ARIH1: variants seen among roughly 807,000 people sequenced by gnomAD.
The protein encoded by ARIH1 is E3 ubiquitin-protein ligase ARIH1.
Under a neutral mutation model 85.0 loss-of-function variants are expected in ARIH1, and 8 were observed. That is an observed-to-expected ratio of 0.09 (90% confidence interval 0.06 to 0.17). The LOEUF is 0.17. ARIH1 is among the 10% of genes least tolerant of loss of function. The pLI is 1.00. For synonymous variants in ARIH1, 238 were observed against 253.6 expected, an observed-to-expected ratio of 0.94 and a Z score of 0.59; for missense variants, 311 against 718.1, an observed-to-expected ratio of 0.43 and a Z score of 6.48.
chr15:72,500,883 A>G (rs1038838228), intron 1 of ARIH1, among the ~76,000 whole-genome samples: 4 of 152,234 alleles, frequency 2.6e-5, no homozygotes, highest in African/African-American at 7.2e-5. Flanking sequence ...TAACTTCTAA[A>G]ACTATGTATG....
rs190746146 is a variant in ARIH1 at position 72,589,457 on chromosome 15, G to A, written c.*6165G>A. ...GATTGGGAACTAGAAAACCATTTTG[G>A]ACCCCTAAAGTGGTATTGTCTACTA... On this transcript the variant is annotated 3_prime_UTR_variant, in exon 14 of 14. Transcript: ENST00000379887. 4 of 152,294 alleles carry A rather than the reference G, an allele frequency of 2.6e-5. No individual in the cohort carries two copies. Among genetic ancestry groups the A allele is most frequent in the Admixed American group, 2.6e-4 (4 of 15,288 alleles). 9.4% of individuals were successfully genotyped at this position (152,294 alleles called of 1,614,324 possible). A position where few individuals can be genotyped will look rare whatever the true frequency, so the allele number is the denominator to read the frequency against.
chr15:72,574,186 G>A (rs75904136), intron 11 of ARIH1, among the ~76,000 whole-genome samples: 328 of 152,264 alleles, frequency 2.2e-3, no homozygotes, highest in African/African-American at 7.8e-3. Context: ...GGTGGGTTAT[G>A]TGCATAGCTT....
At chr15:72,555,048 T>C (rs2064169127) in intron 3 of ARIH1, among the ~76,000 whole-genome samples, 1 of 152,240 alleles carries the variant, frequency 6.6e-6, no homozygotes, top group East Asian at 1.9e-4. Context: ...TTTTTATATT[T>C]AATACAAACA....
chr15:72,566,884 G>C (rs1595871859), intron 8 of ARIH1, among the ~76,000 whole-genome samples: 1 of 152,202 alleles, frequency 6.6e-6, no homozygotes, highest in African/African-American at 2.4e-5. Flanking sequence ...TCAAGCTCTA[G>C]GTTCCCCACT....
chr15:72,526,665 A>G (rs1045398157), intron 2 of ARIH1, among the ~76,000 whole-genome samples: 1 of 152,148 alleles, frequency 6.6e-6, no homozygotes, highest in African/African-American at 2.4e-5. Context: ...CAGAGACTGC[A>G]GTGAACCCTG....
At chr15:72,508,065 A>G (rs1413354654) in intron 1 of ARIH1, among the ~76,000 whole-genome samples, 6 of 152,206 alleles carry the variant, frequency 3.9e-5, no homozygotes, top group African/African-American at 1.4e-4. Context: ...TCTACCCTTG[A>G]CAGTTGAATC....
chr15:72,541,044 G>A (rs1256739740), intron 2 of ARIH1, among the ~76,000 whole-genome samples: 2 of 152,116 alleles, frequency 1.3e-5, no homozygotes, highest in Non-Finnish European at 2.9e-5. Flanking sequence ...GGGGGCCAAC[G>A]CTAGTATGGA....
In ARIH1 at chr15:72,597,202, T is replaced by G. The variant is rs966504363; in HGVS notation, c.*13910T>G. On this transcript the variant is annotated 3_prime_UTR_variant, in exon 14 of 14. Coordinates refer to ENST00000379887, the MANE Select transcript of ARIH1 (RefSeq NM_005744.5). Reference sequence around the variant, plus strand: ...TCAGGCCACTTGAATGGTGGCTCAATCTGATGTATATGAATTCTAGACTGG... The same window carrying G: ...TCAGGCCACTTGAATGGTGGCTCAAGCTGATGTATATGAATTCTAGACTGG... 1 of 150,448 alleles carries G rather than the reference T, an allele frequency of 6.6e-6. No individual in the cohort carries two copies. Among genetic ancestry groups the G allele is most frequent in the African/African-American group, 2.4e-5 (1 of 40,900 alleles). 9.3% of individuals were successfully genotyped at this position (150,448 alleles called of 1,614,324 possible). A position where few individuals can be genotyped will look rare whatever the true frequency, so the allele number is the denominator to read the frequency against.
chr15:72,526,223 C>G (rs1224180192), intron 2 of ARIH1, among the ~76,000 whole-genome samples: 2 of 152,084 alleles, frequency 1.3e-5, no homozygotes, highest in East Asian at 3.9e-4. Context: ...TTTGTCATTT[C>G]CATATACCAG....
intron 2 of ARIH1, among the ~76,000 whole-genome samples, chr15:72,532,193 G>T (rs1268976142): frequency 6.7e-6 from 1 of 149,064 alleles, no homozygotes; most frequent in East Asian, 1.9e-4. Flanking sequence ...GACTGATAAC[G>T]TTGACACTTT....
At position 72,474,359 on chromosome 15, in the gene ARIH1, C is replaced by G. The variant is rs770927229; in HGVS notation, c.-281C>G. The G allele has an allele frequency of 1.2e-5, 5 of 433,732 alleles. No homozygotes were observed. The highest frequency in any genetic ancestry group is 2.1e-5 in the Non-Finnish European group (5 of 243,840). 26.9% of individuals were successfully genotyped at this position (433,732 alleles called of 1,614,324 possible). On this transcript the variant is annotated 5_prime_UTR_variant, in exon 1 of 14. Coordinates refer to ENST00000379887, the MANE Select transcript of ARIH1 (RefSeq NM_005744.5). ...GCGATAGCAGCGGCCGTGGAGGTGG[C>G]GTTGGGGACTGTTTTCTCTCGGAGG...
rs1056614792 is a variant in ARIH1 at position 72,593,700 on chromosome 15, T to G, written c.*10408T>G. ...GTATCCTTACATCAGTACCACACTT[T>G]GGATTATTGAAACTTTCTAGTAAGT... is the stretch of plus-strand genomic sequence containing the variant. On this transcript the variant is annotated 3_prime_UTR_variant, in exon 14 of 14. Coordinates refer to ENST00000379887, the MANE Select transcript of ARIH1 (RefSeq NM_005744.5). 3.3e-5 allele frequency: 5 copies of G among 152,226 alleles called. No individual in the cohort carries two copies. The highest frequency in any genetic ancestry group is 1.2e-4 in the African/African-American group (5 of 41,462). The allele number at this position is 152,226 out of a possible 1,614,324, so 9.4% of individuals were successfully genotyped here. A position where few individuals can be genotyped will look rare whatever the true frequency, so the allele number is the denominator to read the frequency against.
chr15:72,565,400 T>C (rs946054964), intron 7 of ARIH1, among the ~76,000 whole-genome samples: 17 of 152,146 alleles, frequency 1.1e-4, no homozygotes, highest in Non-Finnish European at 2.4e-4. Context: ...CAGATTTTCT[T>C]TTTTGCTGCG....
chr15:72,594,811 C>CTTTTTTTTTTTTTTTTTTT lies in ARIH1; in HGVS notation c.*11528_*11546dup, dbSNP rs71137306. On this transcript the variant is annotated 3_prime_UTR_variant, in exon 14 of 14. Transcript: ENST00000379887. The stretch of plus-strand genomic sequence containing the variant: ...TTTTTCTGATTTTATGCCTTTTCTT[C>CTTTTTTTTTTTTTTTTTTT]TTTTTTTTTTTTTTTTTTTTTTTTT... The CTTTTTTTTTTTTTTTTTTT allele has an allele frequency of 5.1e-4, 41 of 79,624 alleles. 8 individuals are homozygous for CTTTTTTTTTTTTTTTTTTT. Among genetic ancestry groups the CTTTTTTTTTTTTTTTTTTT allele is most frequent in the African/African-American group, 2.1e-3 (35 of 16,424 alleles). 4.9% of individuals were successfully genotyped at this position (79,624 alleles called of 1,614,324 possible).
rs563122488 is a variant in ARIH1, at chr15:72,569,169, C to T, written c.1027-1008C>T. Among the ~76,000 whole-genome samples, 43 of 152,156 alleles carry T rather than the reference C, an allele frequency of 2.8e-4. No homozygotes were observed. The South Asian group carries it at 7.5e-3, about 26-fold the overall frequency. The stretch of plus-strand genomic sequence containing the variant: ...ACAAAAAATTCAAAAATTAGCCGAG[C>T]ATGGTGGCATGCACCTGTAGTCCCA... On this transcript the variant is annotated intron_variant, in intron 9 of 13. Coordinates refer to ENST00000379887, the MANE Select transcript of ARIH1 (RefSeq NM_005744.5).
In ARIH1 at chr15:72,496,983, G is replaced by A. The variant is rs77217086; in HGVS notation, c.376-21084G>A. ...CATCATTTATCCTATAAATCTTTGT[G>A]GGAAAGTTTGTTTTGACATGACAAA... On this transcript the variant is annotated intron_variant, in intron 1 of 13. Coordinates refer to ENST00000379887, the MANE Select transcript of ARIH1 (RefSeq NM_005744.5). 5.6e-3 allele frequency: 2,229 copies of A among 399,612 alleles called. 12 individuals are homozygous for A. Among genetic ancestry groups the A allele is most frequent in the Middle Eastern group, 0.015 (12 of 814 alleles). 24.8% of individuals were successfully genotyped at this position (399,612 alleles called of 1,614,324 possible).
chr15:72,590,120 A>T lies in ARIH1; in HGVS notation c.*6828A>T, dbSNP rs2064336492. 2 of 152,276 alleles carry T rather than the reference A, an allele frequency of 1.3e-5. No homozygotes were observed. Among genetic ancestry groups the T allele is most frequent in the Admixed American group, 1.3e-4 (2 of 15,288 alleles). 9.4% of individuals were successfully genotyped at this position (152,276 alleles called of 1,614,324 possible). A position where few individuals can be genotyped will look rare whatever the true frequency, so the allele number is the denominator to read the frequency against. ...TTGGTCAGCACACACAGTGCCGGGC[A>T]CTGGCAGTACAGCAGTGAACAAAAG... On this transcript the variant is annotated 3_prime_UTR_variant, in exon 14 of 14. Coordinates refer to ENST00000379887, the MANE Select transcript of ARIH1 (RefSeq NM_005744.5).
intron 2 of ARIH1, among the ~76,000 whole-genome samples, chr15:72,531,304 G>A (rs752290717): frequency 1.3e-5 from 2 of 151,730 alleles, no homozygotes; most frequent in Non-Finnish European, 2.9e-5. Context: ...GTTTCATTCT[G>A]TTGTCCAGGC....
intron 5 of ARIH1, among the ~76,000 whole-genome samples, chr15:72,559,358 C>T (rs2064188106): frequency 6.6e-6 from 1 of 151,952 alleles, no homozygotes; most frequent in Non-Finnish European, 1.5e-5. Flanking sequence ...CAACCTCTAC[C>T]TCCTAGGTTC....
Sources: allele counts gnomAD v4.1 joint callset (sites outside exome capture counted in the v4.1 genomes callset), GRCh38; gene constraint gnomAD v4.1.1; transcripts MANE v1.5; gene names NCBI Gene and HGNC (gene_info 2026-07-23, HGNC 2026-07-21).